Variants in TENM2 observed in about 807,000 individuals in gnomAD.
The protein encoded by TENM2 is teneurin transmembrane protein 2.
A neutral mutation model predicts 245.2 loss-of-function variants in TENM2; 52 were observed. The observed-to-expected ratio is 0.21, with a 90% confidence interval of 0.17 to 0.27. The LOEUF is 0.27. TENM2 is among the 10% of genes least tolerant of loss of function. TENM2 has a pLI of 1.00. For missense variants in TENM2, 3,046 were observed against 3,666.8 expected, an observed-to-expected ratio of 0.83 and a Z score of 4.37; for synonymous variants, 1,363 against 1,438.9, an observed-to-expected ratio of 0.95 and a Z score of 1.19.
the TENM2 span, among the ~76,000 whole-genome samples, chr5:167,271,040 T>C: frequency 6.6e-6 from 1 of 152,154 alleles, no homozygotes; most frequent in African/African-American, 2.4e-5. Context: ...TGGTGCATCC[T>C]CTGCACACTG....
intron 2 of TENM2, among the ~76,000 whole-genome samples, chr5:167,492,991 TGAA>T (rs1306911364): frequency 6.6e-6 from 1 of 152,166 alleles, no homozygotes; most frequent in African/African-American, 2.4e-5. Flanking sequence ...GAGATGCATT[TGAA>T]GAATAGAGTT....
At chr5:167,023,719 C>T in the TENM2 span, among the ~76,000 whole-genome samples, 1 of 152,132 alleles carries the variant, frequency 6.6e-6, no homozygotes, top group Non-Finnish European at 1.5e-5. Flanking sequence ...CAAACATGTT[C>T]TCTGAGAATG....
At chr5:167,907,030 C>T (rs1291956876) in intron 3 of TENM2, among the ~76,000 whole-genome samples, 7 of 151,920 alleles carry the variant, frequency 4.6e-5, no homozygotes, top group Admixed American at 2.0e-4. Context: ...GTAGGGAGTT[C>T]GAGACCAGCC....
intron 19 of TENM2, among the ~76,000 whole-genome samples, chr5:168,209,135 T>C (rs1762598820): frequency 1.3e-5 from 2 of 152,366 alleles, no homozygotes; most frequent in South Asian, 2.1e-4. Flanking sequence ...TTTCATATTA[T>C]TGATAAATTA....
At chr5:167,832,045 T>C (rs1473466327) in intron 2 of TENM2, among the ~76,000 whole-genome samples, 1 of 152,116 alleles carries the variant, frequency 6.6e-6, no homozygotes, top group Admixed American at 6.5e-5. Flanking sequence ...GCTTGATTAC[T>C]AATTCATTCA....
intron 2 of TENM2, among the ~76,000 whole-genome samples, chr5:167,814,847 G>A (rs1766923445): frequency 6.6e-6 from 1 of 152,128 alleles, no homozygotes. Context: ...AGATGAAACT[G>A]CAGCTCCAGC....
chr5:167,728,040 G>A (rs144761851), intron 2 of TENM2, among the ~76,000 whole-genome samples: 12 of 152,274 alleles, frequency 7.9e-5, no homozygotes, highest in African/African-American at 4.8e-5. Context: ...AACATGCCAG[G>A]TAACAGTTTC....
At chr5:167,605,429 T>C (rs1776962759) in intron 2 of TENM2, among the ~76,000 whole-genome samples, 1 of 152,168 alleles carries the variant, frequency 6.6e-6, no homozygotes, top group Admixed American at 6.6e-5. Context: ...AGATGAAATA[T>C]CACCTTATCC....
chr5:168,250,214 G>C (rs116501992), intron 27 of TENM2, among the ~76,000 whole-genome samples: 1 of 151,992 alleles, frequency 6.6e-6, no homozygotes, highest in African/African-American at 2.4e-5. Context: ...GTGGATGGGT[G>C]GGTGAATGGA....
Position 167,952,829 on chromosome 5 carries a change from C to T in TENM2, c.947+7C>T, listed in dbSNP as rs999136579. ...ACGTGCCACTGGAGACCCGGTAAGT[C>T]CCCATCGCCAGCTCACAGTCACACT... On this transcript the variant is annotated splice_region_variant and intron_variant, in intron 4 of 28. Coordinates refer to ENST00000518659, the Ensembl canonical transcript of TENM2. The T allele has an allele frequency of 1.9e-6, 3 of 1,550,730 alleles. No homozygotes were observed. The highest frequency in any genetic ancestry group is 2.0e-5 in the Admixed American group (1 of 51,020).
chr5:167,679,137 A>G (rs1185842274), intron 2 of TENM2, among the ~76,000 whole-genome samples: 2 of 152,136 alleles, frequency 1.3e-5, no homozygotes, highest in African/African-American at 2.4e-5. Flanking sequence ...TGAAGTACCC[A>G]TAATTTCATA....
the TENM2 span, among the ~76,000 whole-genome samples, chr5:167,045,799 G>C: frequency 6.6e-6 from 1 of 152,130 alleles, no homozygotes; most frequent in Non-Finnish European, 1.5e-5. Flanking sequence ...TGCTGCATTT[G>C]GAAGCAAACC....
chr5:168,027,644 G>A lies in TENM2; in HGVS notation c.1187-19783G>A, dbSNP rs1786744224. Among the ~76,000 whole-genome samples the A allele has an allele frequency of 2.0e-5, 3 of 152,142 alleles. 1 individual carries two copies. The highest frequency in any genetic ancestry group is 2.0e-4 in the Admixed American group (3 of 15,266). ...ATCACTCCTCGTGGCCAGAATGAAA[G>A]GTGTTGTCTAAAGAAAAGTCAAGTT... On this transcript the variant is annotated intron_variant, in intron 5 of 28. Coordinates refer to ENST00000518659, the Ensembl canonical transcript of TENM2.
chr5:167,891,056 T>C (rs1258326102), intron 3 of TENM2, among the ~76,000 whole-genome samples: 1 of 152,210 alleles, frequency 6.6e-6, no homozygotes, highest in East Asian at 1.9e-4. Flanking sequence ...TCAAGGTCTT[T>C]TTAAATTTTC....
At chr5:167,226,018 T>C in the TENM2 span, among the ~76,000 whole-genome samples, 1 of 152,008 alleles carries the variant, frequency 6.6e-6, no homozygotes, top group Non-Finnish European at 1.5e-5. Context: ...ATGCATCCTT[T>C]TTGATTTATG....
chr5:168,053,770 G>A (rs182869360), intron 6 of TENM2, among the ~76,000 whole-genome samples: 18 of 152,242 alleles, frequency 1.2e-4, no homozygotes, highest in Admixed American at 2.6e-4. Flanking sequence ...TCCATACCCT[G>A]TGGATACCAA....
At chr5:167,834,345 G>A (rs1041411243) in intron 2 of TENM2, among the ~76,000 whole-genome samples, 1 of 152,136 alleles carries the variant, frequency 6.6e-6, no homozygotes, top group Non-Finnish European at 1.5e-5. Context: ...CACTCACTGA[G>A]GCCTTTTAAG....
At chr5:168,161,430 A>G (rs1423715747) in intron 12 of TENM2, among the ~76,000 whole-genome samples, 10 of 152,324 alleles carry the variant, frequency 6.6e-5, no homozygotes, top group South Asian at 2.1e-4. Context: ...CAAGTGCACA[A>G]CTCTGCAAAT....
Position 167,872,482 on chromosome 5 carries a change from GAA to G in TENM2, c.503-3500_503-3499del, listed in dbSNP as rs1307416503. ...AGCACGAAAGAAAGAAAGAAAGAAAGAAAAAGAAAGAAAGAAAGAAAGAAAGA... is the reference window on the plus strand; with the variant it reads ...AGCACGAAAGAAAGAAAGAAAGAAAGAAAGAAAGAAAGAAAGAAAGAAAGA... On this transcript the variant is annotated intron_variant, in intron 2 of 28. Transcript: ENST00000518659. 1.0e-2 allele frequency among the ~76,000 whole-genome samples: 843 copies of G among 84,364 alleles called. 3 individuals are homozygous for G. Among genetic ancestry groups the G allele is most frequent in the African/African-American group, 0.024 (535 of 22,160 alleles). 55.3% of individuals were successfully genotyped at this position (84,364 alleles called of 152,430 possible). A position where few individuals can be genotyped will look rare whatever the true frequency, so the allele number is the denominator to read the frequency against.
Sources: gnomAD v4.1 joint callset for allele counts (sites outside exome capture counted in the v4.1 genomes callset) on GRCh38, gnomAD v4.1.1 for gene constraint, MANE v1.5 for transcripts, NCBI Gene and HGNC (gene_info 2026-07-23, HGNC 2026-07-21) for gene names.